The following DLGAP2 variants were observed in gnomAD, a reference collection of about 807,000 sequenced individuals.
DLGAP2 encodes the protein disks large-associated protein 2.
Under a neutral mutation model 100.3 loss-of-function variants are expected in DLGAP2, and 26 were observed. That is an observed-to-expected ratio of 0.26 (90% CI 0.19 to 0.36). The LOEUF (loss-of-function observed/expected upper bound fraction) is 0.36, where lower values mean the gene tolerates loss of function less well. Ranked by LOEUF, DLGAP2 falls within the 10% of genes least tolerant of loss-of-function variation. The pLI, the probability that DLGAP2 is intolerant of heterozygous loss-of-function variation, is 1.00. For missense variants in DLGAP2, 1,858 were observed against 1,453.2 expected, an observed-to-expected ratio of 1.28 and a Z score of -4.53; for synonymous variants, 886 against 630.1, an observed-to-expected ratio of 1.41 and a Z score of -6.08.
intron 1 of DLGAP2, among the ~76,000 whole-genome samples, chr8:839,466 C>G (rs1014218247): frequency 6.6e-6 from 1 of 152,176 alleles, no homozygotes; most frequent in African/African-American, 2.4e-5. Context: ...GCGAAATAAG[C>G]CAGGCGCAGA....
At chr8:1,433,748 T>C in intron 3 of DLGAP2, among the ~76,000 whole-genome samples, 1 of 151,378 alleles carries the variant, frequency 6.6e-6, no homozygotes, top group South Asian at 2.1e-4. Flanking sequence ...CTTTTTTTTT[T>C]TTTTTTTTGC....
chr8:1,525,481 G>A (rs968398613), intron 4 of DLGAP2, among the ~76,000 whole-genome samples: 3 of 152,184 alleles, frequency 2.0e-5, no homozygotes, highest in East Asian at 1.9e-4. Flanking sequence ...CAATCCTGGC[G>A]ATGGCAGAAC....
At chr8:1,020,487 A>T (rs1801596867) in intron 2 of DLGAP2, among the ~76,000 whole-genome samples, 1 of 152,154 alleles carries the variant, frequency 6.6e-6, no homozygotes, top group Non-Finnish European at 1.5e-5. Flanking sequence ...ATCGCACCTG[A>T]TTTTGTACTG....
At chr8:1,372,211 ACGC>A (rs1274812989) in intron 3 of DLGAP2, among the ~76,000 whole-genome samples, 24 of 88,048 alleles carry the variant, frequency 2.7e-4, no homozygotes, top group African/African-American at 9.2e-4. Context: ...CGTGCTGCCA[ACGC>A]TGGGACGCTG....
At chr8:1,038,825 G>GT (rs1563158182) in intron 2 of DLGAP2, among the ~76,000 whole-genome samples, 1 of 152,148 alleles carries the variant, frequency 6.6e-6, no homozygotes, top group Non-Finnish European at 1.5e-5. Context: ...AAACATCCAT[G>GT]TTTTTTTCAG....
intron 2 of DLGAP2, among the ~76,000 whole-genome samples, chr8:1,236,934 T>TAC: frequency 6.8e-6 from 1 of 146,934 alleles, no homozygotes; most frequent in Non-Finnish European, 1.5e-5. Context: ...CGTGTCTAGT[T>TAC]CTCTCACATG....
chr8:1,202,959 C>G (rs191590331), intron 2 of DLGAP2, among the ~76,000 whole-genome samples: 4 of 152,166 alleles, frequency 2.6e-5, no homozygotes, highest in Non-Finnish European at 4.4e-5. Context: ...AGAAGCTGAG[C>G]GACATCACGG....
At chr8:962,235 C>T (rs1224034961) in intron 2 of DLGAP2, among the ~76,000 whole-genome samples, 1 of 151,400 alleles carries the variant, frequency 6.6e-6, no homozygotes, top group African/African-American at 2.5e-5. Flanking sequence ...AAAGGGTCTC[C>T]CATCTCAAGT....
intron 2 of DLGAP2, among the ~76,000 whole-genome samples, chr8:996,491 C>T (rs746820984): frequency 2.9e-4 from 44 of 152,192 alleles, no homozygotes; most frequent in African/African-American, 7.9e-4. Flanking sequence ...GTGGAGTGGC[C>T]GGAGGCTCAG....
intron 2 of DLGAP2, among the ~76,000 whole-genome samples, chr8:1,034,511 G>A (rs1370083045): frequency 3.6e-5 from 3 of 82,734 alleles, no homozygotes; most frequent in Non-Finnish European, 6.9e-5. Flanking sequence ...GTGTCACCGC[G>A]AGTGGATTCA....
rs55770441 is a variant in DLGAP2 at position 1,365,111 on chromosome 8, G to A, written c.106+106228G>A. 6.9e-4 allele frequency among the ~76,000 whole-genome samples: 105 copies of A among 152,292 alleles called. 1 individual carries two copies. Among genetic ancestry groups the A allele is most frequent in the African/African-American group, 2.4e-3 (99 of 41,568 alleles). ...CGTTTTTATAAAGTAGATGCTCTAC[G>A]AAGCGGGAGGTCAGGGGCCTGCAGT... On this transcript the variant is annotated intron_variant, in intron 3 of 14. Coordinates refer to ENST00000637795, the MANE Select transcript of DLGAP2 (RefSeq NM_001346810.2).
chr8:1,495,714 C>T (rs1221154154), intron 3 of DLGAP2, among the ~76,000 whole-genome samples: 1 of 152,172 alleles, frequency 6.6e-6, no homozygotes, highest in Non-Finnish European at 1.5e-5. Context: ...CTCATCGTCT[C>T]GCAGGCAGCT....
intron 6 of DLGAP2, among the ~76,000 whole-genome samples, chr8:1,596,788 A>G (rs1796472532): frequency 6.6e-6 from 1 of 152,144 alleles, no homozygotes; most frequent in South Asian, 2.1e-4. Context: ...CCTTTGTCAG[A>G]TAGATAGATT....
intron 2 of DLGAP2, among the ~76,000 whole-genome samples, chr8:963,739 T>C (rs1310589761): frequency 6.6e-6 from 1 of 152,162 alleles, no homozygotes; most frequent in Non-Finnish European, 1.5e-5. Context: ...ATTTATTAAC[T>C]CAATATTATT....
rs1563052148 is a variant in DLGAP2, at chr8:1,267,635, AG to A, written c.106+8754del. Among the ~76,000 whole-genome samples, 273 of 113,002 alleles carry A rather than the reference AG, an allele frequency of 2.4e-3. 17 individuals carry two copies. Among genetic ancestry groups the A allele is most frequent in the African/African-American group, 9.2e-3 (260 of 28,158 alleles). 74.1% of individuals were successfully genotyped at this position (113,002 alleles called of 152,430 possible). On this transcript the variant is annotated intron_variant, in intron 3 of 14. Transcript: ENST00000637795. ...AGATAAGATAAGATAAATATTAAAT[AG>A]GTCTACAAAAAGGCCTCCAGGGTCA... is the stretch of plus-strand genomic sequence containing the variant.
chr8:765,270 G>A (rs1349701733), intron 1 of DLGAP2, among the ~76,000 whole-genome samples: 2 of 152,214 alleles, frequency 1.3e-5, no homozygotes, highest in African/African-American at 4.8e-5. Context: ...GGCTGTTCTA[G>A]GGGTAAAATG....
intron 2 of DLGAP2, among the ~76,000 whole-genome samples, chr8:1,179,085 G>A (rs1217300559): frequency 6.6e-6 from 1 of 152,250 alleles, no homozygotes; most frequent in Non-Finnish European, 1.5e-5. Context: ...GGCTTTAAAA[G>A]AAGCATCAAG....
intron 6 of DLGAP2, among the ~76,000 whole-genome samples, chr8:1,610,885 T>C (rs202164168): frequency 8.6e-6 from 1 of 116,240 alleles, no homozygotes; most frequent in Non-Finnish European, 1.7e-5. Context: ...GCTGAAATTG[T>C]GGCAATAATC....
rs547353032 is a variant in DLGAP2, at chr8:1,212,730, C to T, written c.74-46121C>T. 6.3e-4 allele frequency among the ~76,000 whole-genome samples: 95 copies of T among 151,730 alleles called. 1 individual carries two copies. The highest frequency in any genetic ancestry group is 2.3e-3 in the African/African-American group (95 of 41,382). On this transcript the variant is annotated intron_variant, in intron 2 of 14. Transcript: ENST00000637795. ...TTCTTATATCTTTATTTTTCCAGTA[C>T]CTTTTTGCCAAGACCTCTCTCTCTC... is the stretch of plus-strand genomic sequence containing the variant.
Sources: allele counts gnomAD v4.1 joint callset (sites outside exome capture counted in the v4.1 genomes callset), GRCh38; gene constraint gnomAD v4.1.1; transcripts MANE v1.5; gene names NCBI Gene and HGNC (gene_info 2026-07-23, HGNC 2026-07-21).